KLHL29: variants seen among roughly 807,000 people sequenced by gnomAD.
KLHL29 encodes kelch-like protein 29.
In KLHL29, 21 loss-of-function variants were observed where a neutral mutation model predicts 80.4. The observed-to-expected ratio is 0.26, with a 90% CI of 0.19 to 0.38. KLHL29 has a LOEUF of 0.38. KLHL29 is among the 10% of genes least tolerant of loss of function. The pLI is 1.00. For synonymous variants in KLHL29, 511 were observed against 526.8 expected, an observed-to-expected ratio of 0.97 and a Z score of 0.41; for missense variants, 867 against 1,223.9, an observed-to-expected ratio of 0.71 and a Z score of 4.35.
At chr2:23,536,970 C>T (rs1304780289) in intron 2 of KLHL29, among the ~76,000 whole-genome samples, 1 of 149,252 alleles carries the variant, frequency 6.7e-6, no homozygotes, top group African/African-American at 2.5e-5. Flanking sequence ...GCTCTCTCTC[C>T]TTCAGGTGTG....
In KLHL29 at chr2:23,696,045, C is replaced by T. The variant is rs1037732351; in HGVS notation, c.1836C>T (p.Asn612=). The change falls in exon 10 of 14, where the codon AAC becomes AAT. Residue 612 remains asparagine, a synonymous_variant. Coordinates refer to ENST00000486442, the MANE Select transcript of KLHL29 (RefSeq NM_052920.2). This position sits in a 1 kb window ranked among gnomAD's most constrained non-coding sequence, Gnocchi z 5.5. ...LVAVTCWNPQ[N]NKWYPLASLP... is the part of the protein sequence containing the mutation. ...CCGTCACCTGCTGGAACCCGCAGAA[C>T]AACAAGTGGTACCCCTTGGCCTCGC... 2.4e-5 allele frequency: 38 copies of T among 1,551,650 alleles called. No individual in the cohort carries two copies. Among genetic ancestry groups the T allele is most frequent in the Non-Finnish European group, 3.3e-5 (38 of 1,146,990 alleles).
At chr2:23,551,916 G>A (rs1017003455) in intron 2 of KLHL29, among the ~76,000 whole-genome samples, 14 of 152,376 alleles carry the variant, frequency 9.2e-5, no homozygotes, top group Middle Eastern at 3.4e-3. Flanking sequence ...GAGGAGATAG[G>A]CCACTATGCC....
intron 2 of KLHL29, among the ~76,000 whole-genome samples, chr2:23,520,999 C>T (rs73919733): frequency 1.9e-4 from 28 of 147,834 alleles, no homozygotes; most frequent in South Asian, 4.2e-4. Flanking sequence ...ACCACCCCCC[C>T]CCCCGCTCCC....
chr2:23,392,786 C>T (rs1341465286), intron 1 of KLHL29, among the ~76,000 whole-genome samples: 3 of 152,184 alleles, frequency 2.0e-5, no homozygotes, highest in South Asian at 4.1e-4. Flanking sequence ...TTTGTTTTTT[C>T]CCATGCATCT....
chr2:23,512,694 T>C (rs1329293501), intron 2 of KLHL29, among the ~76,000 whole-genome samples: 1 of 152,246 alleles, frequency 6.6e-6, no homozygotes, highest in Non-Finnish European at 1.5e-5. Flanking sequence ...GTGATCTATA[T>C]AGCTCAGTGA....
At chr2:23,693,655 G>A in intron 8 of KLHL29, 127 bp downstream of exon 8, 1 of 1,013,426 alleles carries the variant, frequency 9.9e-7, no homozygotes, top group Non-Finnish European at 1.4e-6. Flanking sequence ...GCAGAGAGGT[G>A]AAGGGCGGGC....
At chr2:23,687,634 A>G (rs983669596) in intron 6 of KLHL29, among the ~76,000 whole-genome samples, 15 of 152,194 alleles carry the variant, frequency 9.9e-5, no homozygotes, top group African/African-American at 3.4e-4. Flanking sequence ...TTGTGGTCCA[A>G]GGGCCTGGCT....
intron 2 of KLHL29, among the ~76,000 whole-genome samples, chr2:23,478,516 C>T (rs1458346274): frequency 6.6e-6 from 1 of 152,098 alleles, no homozygotes; most frequent in African/African-American, 2.4e-5. Context: ...TGGTGGAAAT[C>T]ACCCAAATAA....
chr2:23,446,276 C>T (rs558600538), intron 1 of KLHL29, among the ~76,000 whole-genome samples: 2 of 149,274 alleles, frequency 1.3e-5, no homozygotes, highest in South Asian at 4.4e-4. Context: ...ATGCATCTTT[C>T]CCCCAAAGGT....
At chr2:23,532,256 A>G (rs1666513197) in intron 2 of KLHL29, among the ~76,000 whole-genome samples, 1 of 152,220 alleles carries the variant, frequency 6.6e-6, no homozygotes, top group Non-Finnish European at 1.5e-5. Flanking sequence ...ACTGAATTTG[A>G]TGAAGTGCAT....
chr2:23,649,329 GAGCTGTACCTGCCCCAGCCCTGCTCAGGA>G (rs1330096896), intron 5 of KLHL29, among the ~76,000 whole-genome samples: 2 of 152,228 alleles, frequency 1.3e-5, no homozygotes, highest in Non-Finnish European at 2.9e-5. Flanking sequence ...GTCCTCGCCT[GAGCTGTACCTGCCCCAGCCCTGCTCAGGA>G]AGCCTCCTCC....
rs71402503 is a variant in KLHL29 at position 23,650,353 on chromosome 2, T to TCACA, written c.940+7515_940+7518dup. The stretch of plus-strand genomic sequence containing the variant: ...TCCAATAGATCCATCTATCATAGAG[T>TCACA]CACACACACACACACGTGTGCACAC... On this transcript the variant is annotated intron_variant, in intron 5 of 13. Coordinates refer to ENST00000486442, the MANE Select transcript of KLHL29 (RefSeq NM_052920.2). Among the ~76,000 whole-genome samples the TCACA allele has an allele frequency of 3.4e-3, 515 of 151,164 alleles. 1 individual carries two copies. The highest frequency in any genetic ancestry group is 0.01 in the African/African-American group (428 of 41,312).
intron 5 of KLHL29, among the ~76,000 whole-genome samples, chr2:23,663,465 G>T (rs1670472986): frequency 6.6e-6 from 1 of 152,226 alleles, no homozygotes; most frequent in African/African-American, 2.4e-5. Context: ...CCACCGGGAG[G>T]TTCCCGGGCC....
intron 3 of KLHL29, among the ~76,000 whole-genome samples, chr2:23,575,990 C>T (rs1667832801): frequency 6.6e-6 from 1 of 152,216 alleles, no homozygotes; most frequent in African/African-American, 2.4e-5. Flanking sequence ...ACTGCGTCAC[C>T]ATCGCCTCTT....
intron 11 of KLHL29, among the ~76,000 whole-genome samples, chr2:23,702,689 C>A (rs1013571804): frequency 6.6e-6 from 1 of 152,214 alleles, no homozygotes; most frequent in African/African-American, 2.4e-5. Flanking sequence ...GGGTTTCTCA[C>A]CTTCAGACCA....
At chr2:23,518,040 T>C (rs1260549940) in intron 2 of KLHL29, among the ~76,000 whole-genome samples, 2 of 152,222 alleles carry the variant, frequency 1.3e-5, no homozygotes, top group Non-Finnish European at 2.9e-5. Flanking sequence ...TTAAATGAGA[T>C]AGTGTGTAGC....
intron 5 of KLHL29, among the ~76,000 whole-genome samples, chr2:23,663,950 G>A (rs1670487761): frequency 6.6e-6 from 1 of 152,124 alleles, no homozygotes; most frequent in African/African-American, 2.4e-5. Flanking sequence ...TGATAATCCT[G>A]GTTAAAACTT....
chr2:23,696,268 G>A lies in KLHL29; in HGVS notation c.1925-65G>A, dbSNP rs564946402. The A allele has an allele frequency of 4.4e-4, 669 of 1,509,094 alleles. 5 individuals are homozygous for A. In the African/African-American group the frequency reaches 7.5e-3, roughly 17 times the overall value. The allele number at this position is 1,509,094 out of a possible 1,614,324, so 93.5% of individuals were successfully genotyped here. A position where few individuals can be genotyped will look rare whatever the true frequency, so the allele number is the denominator to read the frequency against. On this transcript the variant is annotated intron_variant, in intron 10 of 13. Transcript: ENST00000486442. The surrounding 1 kb of genome is among the most constrained non-coding windows in gnomAD (Gnocchi z 5.5). ...GAAGCCTTCCTCTGCCCCTGGGGCT[G>A]GGCCTGCTGACCCCAGGCCCCTCCT...
intron 3 of KLHL29, among the ~76,000 whole-genome samples, chr2:23,570,988 T>A (rs2103502435): frequency 6.6e-6 from 1 of 152,340 alleles, no homozygotes; most frequent in Non-Finnish European, 1.5e-5. Context: ...TGCCCAGCTC[T>A]TCCAGCATTC....
Sources: gnomAD v4.1 joint callset for allele counts (sites outside exome capture counted in the v4.1 genomes callset) on GRCh38, gnomAD v4.1.1 for gene constraint, Gnocchi (gnomAD v3.1) non-coding constraint, MANE v1.5 for transcripts, NCBI Gene and HGNC (gene_info 2026-07-23, HGNC 2026-07-21) for gene names.